The following EYS variants were observed in gnomAD, a reference collection of about 807,000 sequenced individuals.
EYS encodes protein eyes shut homolog.
A neutral mutation model predicts 282.1 loss-of-function variants in EYS; 250 were observed. That is an observed-to-expected ratio of 0.89 (90% confidence interval 0.80 to 0.98). The LOEUF is 0.98. EYS is among the 50% of genes least tolerant of loss of function. EYS has a pLI of 0.00. For missense variants in EYS, 4,016 were observed against 3,709.0 expected (o/e 1.08, Z -2.15); for synonymous variants, 1,355 against 1,282.9 (o/e 1.06, Z -1.20).
chr6:64,590,392 G>A lies in EYS; in HGVS notation c.5475C>T (p.Thr1825=). ...PDWPYFTDYM[T]SLKKEVKTSS... ...AAGTCTTGACCTCTTTTTTAAGAGA[G>A]GTCATATAATCTGTAAAATATGGCC... The change falls in exon 26 of 43, where the codon ACC becomes ACT. Residue 1825 remains threonine, a synonymous_variant. Transcript: ENST00000503581. 5 of 1,551,306 alleles carry A rather than the reference G, an allele frequency of 3.2e-6. No homozygotes were observed. Among genetic ancestry groups the A allele is most frequent in the Non-Finnish European group, 4.4e-6 (5 of 1,146,746 alleles).
At chr6:65,649,362 C>G (rs941185052) in intron 1 of EYS, among the ~76,000 whole-genome samples, 20 of 151,730 alleles carry the variant, frequency 1.3e-4, no homozygotes, top group Admixed American at 9.9e-4. Context: ...GAAAGTGTGT[C>G]CAATCTTAAA....
chr6:65,608,606 T>C (rs1765885780), intron 2 of EYS, among the ~76,000 whole-genome samples: 1 of 152,102 alleles, frequency 6.6e-6, no homozygotes, highest in South Asian at 2.1e-4. Flanking sequence ...ACTTTTTATT[T>C]ACTCTTTGAC....
chr6:64,814,467 T>C (rs1035516414), intron 21 of EYS, among the ~76,000 whole-genome samples: 1 of 152,030 alleles, frequency 6.6e-6, no homozygotes, highest in African/African-American at 2.4e-5. Flanking sequence ...GGCCAAGGGC[T>C]CAGTCAGCCT....
intron 30 of EYS, among the ~76,000 whole-genome samples, chr6:64,244,206 C>A (rs369805470): frequency 6.6e-6 from 1 of 152,170 alleles, no homozygotes; most frequent in Non-Finnish European, 1.5e-5. Flanking sequence ...TATATGCTTC[C>A]TCACTTCTTC....
chr6:64,615,731 A>T (rs977687736), intron 24 of EYS, among the ~76,000 whole-genome samples: 4 of 152,114 alleles, frequency 2.6e-5, no homozygotes, highest in African/African-American at 9.6e-5. Context: ...CATTTCACAC[A>T]AACATTATCT....
chr6:64,719,826 G>T (rs1379018854), intron 22 of EYS, among the ~76,000 whole-genome samples: 1 of 152,138 alleles, frequency 6.6e-6, no homozygotes, highest in East Asian at 1.9e-4. Flanking sequence ...TCTTGAACCT[G>T]GGAGGTGGAG....
At chr6:65,392,762 G>A (rs999229313) in intron 7 of EYS, among the ~76,000 whole-genome samples, 130 of 151,428 alleles carry the variant, frequency 8.6e-4, no homozygotes, top group Non-Finnish European at 1.3e-3. Context: ...AAGTCAGTGT[G>A]GCGATTCCTC....
intron 26 of EYS, among the ~76,000 whole-genome samples, chr6:64,584,962 A>C (rs1444164819): frequency 6.6e-6 from 1 of 152,136 alleles, no homozygotes; most frequent in African/African-American, 2.4e-5. Flanking sequence ...TTGACCCAGC[A>C]ATATCGTTAC....
At chr6:64,329,283 C>T (rs1290585253) in intron 29 of EYS, among the ~76,000 whole-genome samples, 6 of 152,014 alleles carry the variant, frequency 3.9e-5, no homozygotes, top group African/African-American at 2.4e-5. Flanking sequence ...AATATGTGTC[C>T]AACATGAATT....
chr6:65,265,318 A>G (rs1399034343), intron 12 of EYS, among the ~76,000 whole-genome samples: 1 of 152,024 alleles, frequency 6.6e-6, no homozygotes, highest in Non-Finnish European at 1.5e-5. Flanking sequence ...CCTTATCTGT[A>G]GTTCTTTTAC....
chr6:65,437,894 A>C (rs1325904420), intron 5 of EYS, among the ~76,000 whole-genome samples: 8 of 152,116 alleles, frequency 5.3e-5, no homozygotes, highest in East Asian at 1.9e-4. Context: ...TCTAGGGTAC[A>C]TATGCACAAC....
intron 29 of EYS, among the ~76,000 whole-genome samples, chr6:64,307,944 T>TA (rs1769518608): frequency 6.6e-6 from 1 of 152,052 alleles, no homozygotes; most frequent in African/African-American, 2.4e-5. Context: ...CTTAGTACTG[T>TA]ATAGATTACA....
chr6:63,950,503 A>G lies in EYS; in HGVS notation c.7055+33880T>C, dbSNP rs1030103293. 3.3e-5 allele frequency among the ~76,000 whole-genome samples: 5 copies of G among 151,752 alleles called. 1 individual carries two copies. Among genetic ancestry groups the G allele is most frequent in the Admixed American group, 3.3e-4 (5 of 15,240 alleles). On this transcript the variant is annotated intron_variant, in intron 35 of 42. Transcript: ENST00000503581. The stretch of plus-strand genomic sequence containing the variant: ...ATCTCCCTTCTCTGACTCTCTTTTC[A>G]GACTCAGCCCACCTGCACCCAGGTG...
chr6:65,393,301 A>G (rs1048263089), intron 7 of EYS, among the ~76,000 whole-genome samples: 9 of 152,196 alleles, frequency 5.9e-5, no homozygotes, highest in African/African-American at 2.2e-4. Flanking sequence ...GTGCACATGT[A>G]CCCTAAAACT....
chr6:64,873,783 AC>A (rs959863188), intron 19 of EYS, among the ~76,000 whole-genome samples: 22 of 152,064 alleles, frequency 1.4e-4, no homozygotes, highest in African/African-American at 3.9e-4. Context: ...AAATAAAAAA[AC>A]ATCATATTGT....
chr6:65,182,363 C>A (rs756719492), intron 12 of EYS, among the ~76,000 whole-genome samples: 1 of 151,204 alleles, frequency 6.6e-6, no homozygotes, highest in Admixed American at 6.6e-5. Flanking sequence ...TTTTTCCAGG[C>A]CAATTTTAAA....
chr6:65,133,128 T>C (rs1160822854), intron 12 of EYS, among the ~76,000 whole-genome samples: 2 of 151,976 alleles, frequency 1.3e-5, no homozygotes, highest in Non-Finnish European at 2.9e-5. Context: ...AAAATGGCCA[T>C]CCTGCTTCAA....
intron 5 of EYS, among the ~76,000 whole-genome samples, chr6:65,455,591 T>C (rs1159126170): frequency 6.6e-6 from 1 of 151,896 alleles, no homozygotes; most frequent in Non-Finnish European, 1.5e-5. Context: ...ACCACAGAAA[T>C]ACAAAAGGAG....
At chr6:64,861,212 C>T (rs536813653) in intron 19 of EYS, among the ~76,000 whole-genome samples, 11 of 152,318 alleles carry the variant, frequency 7.2e-5, no homozygotes, top group Non-Finnish European at 1.3e-4. Flanking sequence ...GATTCCCTCC[C>T]ATGCTCGTTG....
Sources: gnomAD v4.1 joint callset for allele counts (sites outside exome capture counted in the v4.1 genomes callset) on GRCh38, gnomAD v4.1.1 for gene constraint, MANE v1.5 for transcripts, NCBI Gene and HGNC (gene_info 2026-07-23, HGNC 2026-07-21) for gene names.